Variants in MSRB3 observed in about 807,000 individuals in gnomAD.
MSRB3 encodes methionine-R-sulfoxide reductase B3.
Under a neutral mutation model 21.0 loss-of-function variants are expected in MSRB3, and 13 were observed. The observed-to-expected ratio is 0.62, with a 90% CI of 0.40 to 0.98. The LOEUF (loss-of-function observed/expected upper bound fraction) is 0.98, where lower values mean the gene tolerates loss of function less well. Ranked by LOEUF, MSRB3 falls within the 50% of genes least tolerant of loss-of-function variation. MSRB3 has a pLI of 0.00. For missense variants in MSRB3, 199 were observed against 230.3 expected (o/e 0.86, Z 0.88); for synonymous variants, 87 against 88.6 (o/e 0.98, Z 0.10).
chr12:65,447,166 A>T (rs1484805046), intron 5 of MSRB3, among the ~76,000 whole-genome samples: 1 of 152,214 alleles, frequency 6.6e-6, no homozygotes, highest in African/African-American at 2.4e-5. Context: ...GGCAGCTTTT[A>T]TATTCAGAGG....
chr12:65,346,428 G>A (rs914780900), intron 4 of MSRB3, among the ~76,000 whole-genome samples: 8 of 151,934 alleles, frequency 5.3e-5, no homozygotes, highest in African/African-American at 1.9e-4. Context: ...TTTTTGATGG[G>A]GTTGTTTGTT....
chr12:65,398,393 C>A (rs945614774), intron 5 of MSRB3, among the ~76,000 whole-genome samples: 8 of 152,078 alleles, frequency 5.3e-5, no homozygotes, highest in Non-Finnish European at 1.2e-4. Context: ...TGTTTGTTGG[C>A]CGCATAAATG....
At chr12:65,345,335 G>A (rs1254172596) in intron 4 of MSRB3, among the ~76,000 whole-genome samples, 1 of 151,968 alleles carries the variant, frequency 6.6e-6, no homozygotes, top group Non-Finnish European at 1.5e-5. Context: ...GAGTGTCATT[G>A]GACTAGGAAA....
At position 65,463,250 on chromosome 12, in the gene MSRB3, G is replaced by T; in HGVS notation, c.486G>T (p.Ala162=). Residue 162 remains alanine (A), a synonymous_variant, in exon 7 of 7, where the codon GCG becomes GCT. Coordinates refer to ENST00000308259, the MANE Select transcript of MSRB3 (RefSeq NM_001031679.3). ...INSAALSFTP[A]DSSGTAEGGS... is the part of the protein sequence containing the mutation. ...CGGCTGCCTTGTCTTTTACACCTGC[G>T]GATAGCAGTGGCACCGCCGAGGGAG... The T allele has an allele frequency of 6.2e-7, 1 of 1,614,162 alleles. No individual in the cohort carries two copies.
intron 5 of MSRB3, among the ~76,000 whole-genome samples, chr12:65,435,690 TA>T (rs1449933527): frequency 6.6e-6 from 1 of 151,880 alleles, no homozygotes; most frequent in African/African-American, 2.4e-5. Flanking sequence ...TGGAGATTTC[TA>T]GGAAAGATTT....
intron 5 of MSRB3, among the ~76,000 whole-genome samples, chr12:65,371,761 A>G (rs1282868545): frequency 6.6e-6 from 1 of 152,190 alleles, no homozygotes; most frequent in African/African-American, 2.4e-5. Context: ...TTGCCAGCAC[A>G]TGGTAAAAAG....
intron 5 of MSRB3, chr12:65,419,523 G>A: frequency 1.3e-6 from 1 of 741,082 alleles, no homozygotes; most frequent in South Asian, 1.4e-5. Context: ...TGTCATACTT[G>A]ACTCTAAAGG....
At chr12:65,349,057 C>T (rs1299905160) in intron 4 of MSRB3, among the ~76,000 whole-genome samples, 1 of 152,030 alleles carries the variant, frequency 6.6e-6, no homozygotes, top group South Asian at 2.1e-4. Flanking sequence ...ATCCCTCCCC[C>T]TTCTCCCCAC....
At chr12:65,415,690 T>C (rs924968034) in intron 5 of MSRB3, among the ~76,000 whole-genome samples, 6 of 152,220 alleles carry the variant, frequency 3.9e-5, no homozygotes, top group Non-Finnish European at 7.3e-5. Context: ...TATAAGGTTG[T>C]ATACTCAATA....
In MSRB3 at chr12:65,425,146, A is replaced by G. The variant is rs142805089; in HGVS notation, c.293-28582A>G. 4.7e-3 allele frequency among the ~76,000 whole-genome samples: 714 copies of G among 150,828 alleles called. 1 individual carries two copies. The highest frequency in any genetic ancestry group is 0.017 in the African/African-American group (690 of 41,142). On this transcript the variant is annotated intron_variant, in intron 5 of 6. Coordinates refer to ENST00000308259, the MANE Select transcript of MSRB3 (RefSeq NM_001031679.3). ...CTCATTTTACAGTTTTTGACTTTTA[A>G]TCCATTTTATCTGATATAAATATAG...
chr12:65,307,498 G>A (rs1024637961), intron 1 of MSRB3, among the ~76,000 whole-genome samples: 1 of 152,208 alleles, frequency 6.6e-6, no homozygotes, highest in African/African-American at 2.4e-5. Flanking sequence ...AAATGAACAA[G>A]ACATTAATTT....
At chr12:65,415,628 C>T (rs1370727484) in intron 5 of MSRB3, among the ~76,000 whole-genome samples, 1 of 152,004 alleles carries the variant, frequency 6.6e-6, no homozygotes, top group Non-Finnish European at 1.5e-5. Context: ...TTCTGCTGGT[C>T]TTACAAGAGA....
intron 4 of MSRB3, among the ~76,000 whole-genome samples, chr12:65,335,111 C>T (rs1487371303): frequency 6.6e-6 from 1 of 152,096 alleles, no homozygotes; most frequent in Non-Finnish European, 1.5e-5. Context: ...AGATTCATCA[C>T]CTGTAAAATG....
rs114430070 is a variant in MSRB3, at chr12:65,309,755, G to C, written c.76+1100G>C. Among the ~76,000 whole-genome samples the C allele has an allele frequency of 9.4e-3, 1,429 of 152,210 alleles. 24 individuals are homozygous for C. The highest frequency in any genetic ancestry group is 0.033 in the African/African-American group (1,379 of 41,528). ...CACAGTTAGCCTGGTTTCTAAGCAG[G>C]GTGGTGGGGAGGCCGTTTTTAACAA... On this transcript the variant is annotated intron_variant, in intron 2 of 6. Transcript: ENST00000308259.
At chr12:65,342,202 A>G (rs1251852456) in intron 4 of MSRB3, among the ~76,000 whole-genome samples, 2 of 150,318 alleles carry the variant, frequency 1.3e-5, no homozygotes, top group South Asian at 2.1e-4. Flanking sequence ...AGAGTATATT[A>G]TTAAAAAAAA....
intron 4 of MSRB3, among the ~76,000 whole-genome samples, chr12:65,349,903 C>T (rs1283475221): frequency 1.3e-5 from 2 of 151,906 alleles, no homozygotes; most frequent in East Asian, 3.9e-4. Context: ...TGCAGAAGCT[C>T]TTTAGTTTAA....
At chr12:65,284,698 G>C (rs975414025) in intron 1 of MSRB3, 7 of 152,026 alleles carry the variant, frequency 4.6e-5, no homozygotes, top group South Asian at 2.1e-4. Context: ...TAAAAGGAAG[G>C]GTACAGGAAA....
intron 5 of MSRB3, among the ~76,000 whole-genome samples, chr12:65,414,214 G>A (rs1880857556): frequency 6.6e-6 from 1 of 152,138 alleles, no homozygotes; most frequent in South Asian, 2.1e-4. Context: ...ATACAGAATA[G>A]GCTATAGAGA....
At position 65,447,082 on chromosome 12, in the gene MSRB3, A is replaced by T. The variant is rs1439596090; in HGVS notation, c.293-6646A>T. On this transcript the variant is annotated intron_variant, in intron 5 of 6. Coordinates refer to ENST00000308259, the MANE Select transcript of MSRB3 (RefSeq NM_001031679.3). Reference sequence around the variant, plus strand: ...GATATTCCAGAGTAAACCATTCCCCATTGAGGTATTCAGGGAACGCCAGGA... The same window carrying T: ...GATATTCCAGAGTAAACCATTCCCCTTTGAGGTATTCAGGGAACGCCAGGA... 2.6e-5 allele frequency among the ~76,000 whole-genome samples: 4 copies of T among 152,286 alleles called. No homozygotes were observed. In the East Asian group the frequency reaches 7.7e-4, roughly 29 times the overall value.
Sources: gnomAD v4.1 joint callset for allele counts (sites outside exome capture counted in the v4.1 genomes callset) on GRCh38, gnomAD v4.1.1 for gene constraint, MANE v1.5 for transcripts, NCBI Gene and HGNC (gene_info 2026-07-23, HGNC 2026-07-21) for gene names.